The following LIMD1 variants were observed in gnomAD, a reference collection of about 807,000 sequenced individuals.
LIMD1 encodes the protein LIM domain containing 1.
A neutral mutation model predicts 58.4 loss-of-function variants in LIMD1; 23 were observed. The observed-to-expected ratio is 0.39, with a 90% CI of 0.28 to 0.56. The LOEUF is 0.56. Ranked by LOEUF, LIMD1 falls within the 20% of genes least tolerant of loss-of-function variation. LIMD1 has a pLI of 0.57. For missense variants in LIMD1, 838 were observed against 855.5 expected (o/e 0.98, Z 0.25); for synonymous variants, 334 against 345.5 (o/e 0.97, Z 0.37).
At chr3:45,598,808 G>C (rs187391428) in intron 1 of LIMD1, among the ~76,000 whole-genome samples, 1 of 152,172 alleles carries the variant, frequency 6.6e-6, no homozygotes, top group Non-Finnish European at 1.5e-5. Flanking sequence ...GTTTTCCCAG[G>C]GAAATGGTGT....
intron 3 of LIMD1, 106 bp downstream of exon 3, chr3:45,665,823 GA>G: frequency 1.1e-6 from 1 of 923,560 alleles, no homozygotes; most frequent in Non-Finnish European, 1.7e-6. Context: ...CTGCTGGAGA[GA>G]GGGGCCCTGC....
intron 4 of LIMD1, among the ~76,000 whole-genome samples, chr3:45,669,752 TG>T (rs1204656476): frequency 1.3e-5 from 2 of 152,252 alleles, no homozygotes; most frequent in Non-Finnish European, 2.9e-5. Flanking sequence ...GGTAGTTTAT[TG>T]ATTTGTATTG....
chr3:45,603,291 A>G (rs1195909415), intron 1 of LIMD1, among the ~76,000 whole-genome samples: 1 of 152,218 alleles, frequency 6.6e-6, no homozygotes, highest in Non-Finnish European at 1.5e-5. Flanking sequence ...CAGCCCCTCC[A>G]GAATTCCAGA....
intron 2 of LIMD1, among the ~76,000 whole-genome samples, chr3:45,637,776 T>G (rs1288694438): frequency 1.3e-5 from 2 of 152,358 alleles, no homozygotes; most frequent in Middle Eastern, 3.4e-3. Flanking sequence ...CCTCCTAACC[T>G]GCTGAGCCTT....
chr3:45,601,959 T>C (rs993026547), intron 1 of LIMD1, among the ~76,000 whole-genome samples: 3 of 151,656 alleles, frequency 2.0e-5, no homozygotes, highest in African/African-American at 4.9e-5. Context: ...TTTTTTTTTT[T>C]TGAGACAGAG....
chr3:45,597,880 A>G (rs924074127), intron 1 of LIMD1, among the ~76,000 whole-genome samples: 2 of 152,244 alleles, frequency 1.3e-5, no homozygotes, highest in African/African-American at 4.8e-5. Flanking sequence ...TTTGCTTCTC[A>G]TGAGAACCTT....
intron 1 of LIMD1, among the ~76,000 whole-genome samples, chr3:45,619,509 CG>C (rs1701609776): frequency 6.6e-6 from 1 of 152,122 alleles, no homozygotes; most frequent in African/African-American, 2.4e-5. Context: ...CTTAAATTCA[CG>C]TTTTAAGGCT....
At chr3:45,615,017 A>G (rs1195526090) in intron 1 of LIMD1, among the ~76,000 whole-genome samples, 1 of 152,150 alleles carries the variant, frequency 6.6e-6, no homozygotes, top group Non-Finnish European at 1.5e-5. Context: ...CGGGGAGCAG[A>G]ACTTCCCCTC....
At chr3:45,662,111 A>G (rs1427168235) in intron 2 of LIMD1, among the ~76,000 whole-genome samples, 1 of 152,150 alleles carries the variant, frequency 6.6e-6, no homozygotes, top group Non-Finnish European at 1.5e-5. Flanking sequence ...ATAGTTATTG[A>G]TCATTCATAC....
chr3:45,631,129 A>G (rs1435579864), intron 1 of LIMD1, among the ~76,000 whole-genome samples: 1 of 152,132 alleles, frequency 6.6e-6, no homozygotes, highest in African/African-American at 2.4e-5. Context: ...GCTTGAAACC[A>G]GGAGGCAGAG....
intron 1 of LIMD1, among the ~76,000 whole-genome samples, chr3:45,613,720 A>G: frequency 7.0e-6 from 1 of 142,162 alleles, no homozygotes; most frequent in East Asian, 2.1e-4. Flanking sequence ...TTGGTTTTGA[A>G]CTCCTGGCTT....
Position 45,596,017 on chromosome 3 carries a change from G to C in LIMD1, c.1138G>C (p.Gly380Arg). Residue 380 changes from glycine to arginine, a missense_variant, in exon 1 of 8, where the codon GGT becomes CGT. Gly to Arg is a moderately radical substitution (Grantham distance 125). Transcript: ENST00000273317. ...GCCTGGCTGCACAGACCTTGGCACT[G>C]GTCCCAAGCTCAGCCCCACCAGTCT... ...PKPGCTDLGT[G>R]PKLSPTSLVH... is the part of the protein sequence containing the mutation. The C allele has an allele frequency of 1.9e-6, 3 of 1,614,226 alleles. No individual in the cohort carries two copies. Among genetic ancestry groups the C allele is most frequent in the Non-Finnish European group, 2.5e-6 (3 of 1,180,048 alleles).
chr3:45,612,199 C>G (rs952220811), intron 1 of LIMD1, among the ~76,000 whole-genome samples: 1 of 152,092 alleles, frequency 6.6e-6, no homozygotes, highest in South Asian at 2.1e-4. Flanking sequence ...ATCCTCCCAT[C>G]CCAGCCCCCC....
Position 45,647,963 on chromosome 3 carries a change from C to A in LIMD1, c.1510+11712C>A, listed in dbSNP as rs57420372. Among the ~76,000 whole-genome samples the A allele has an allele frequency of 2.9e-3, 445 of 152,252 alleles. 3 individuals are homozygous for A. The highest frequency in any genetic ancestry group is 0.027 in the East Asian group (140 of 5,178). Reference sequence around the variant, plus strand: ...ATATCACTCTCCCTTCAGTGTCTTCCATTGCCATCTCCATTGCTACTCTCC... The same window carrying A: ...ATATCACTCTCCCTTCAGTGTCTTCAATTGCCATCTCCATTGCTACTCTCC... On this transcript the variant is annotated intron_variant, in intron 2 of 7. Coordinates refer to ENST00000273317, the MANE Select transcript of LIMD1 (RefSeq NM_014240.3).
Position 45,672,732 on chromosome 3 carries a change from C to T in LIMD1, c.1684C>T (p.Arg562Cys), listed in dbSNP as rs1697602800. ...GAAGTCCTACCACCCCGGCTGTTTC[C>T]GCTGTGTCATCTGTAATGAGTGTTT... Reference protein sequence around the residue: ...LGKSYHPGCFRCVICNECLDG... With the variant: ...LGKSYHPGCFCCVICNECLDG... Residue 562 changes from arginine to cysteine, a missense_variant, in exon 5 of 8, where the codon CGC (arginine) becomes TGC (cysteine). Physicochemically the swap from Arg to Cys is radical, Grantham distance 180. Around this residue, in one of 3 missense-constraint regions of LIMD1, gnomAD observed 174 missense variants for 197.4 expected, o/e 0.88. Transcript: ENST00000273317. 9 of 1,613,924 alleles carry T rather than the reference C, an allele frequency of 5.6e-6. No homozygotes were observed. Among genetic ancestry groups the T allele is most frequent in the East Asian group, 2.2e-5 (1 of 44,892 alleles).
chr3:45,656,027 G>A (rs1007989170), intron 2 of LIMD1, among the ~76,000 whole-genome samples: 3 of 152,230 alleles, frequency 2.0e-5, no homozygotes, highest in African/African-American at 7.2e-5. Context: ...TTATGAGAGT[G>A]GATACTTCCT....
At chr3:45,673,591 C>T (rs1473356751) in intron 6 of LIMD1, 86 bp downstream of exon 6, 1 of 1,118,592 alleles carries the variant, frequency 8.9e-7, no homozygotes, top group Non-Finnish European at 1.4e-6. Flanking sequence ...ATGTCCTGTC[C>T]TTACAGCTTT....
chr3:45,599,364 T>C (rs371433408), intron 1 of LIMD1, among the ~76,000 whole-genome samples: 1 of 152,134 alleles, frequency 6.6e-6, no homozygotes, highest in East Asian at 1.9e-4. Context: ...CAACAACCAA[T>C]GTGCATTCTG....
chr3:45,634,367 C>A (rs2125657899), intron 1 of LIMD1, among the ~76,000 whole-genome samples: 1 of 152,236 alleles, frequency 6.6e-6, no homozygotes, highest in Admixed American at 6.5e-5. Context: ...TGTGGATGGG[C>A]CCGGAGCCTG....
Sources: gnomAD v4.1 joint callset for allele counts (sites outside exome capture counted in the v4.1 genomes callset) on GRCh38, gnomAD v4.1.1 for gene constraint, gnomAD v4.1.1 regional missense constraint, MANE v1.5 for transcripts, NCBI Gene and HGNC (gene_info 2026-07-23, HGNC 2026-07-21) for gene names.